The following QPRT variants were observed in gnomAD, a reference collection of about 807,000 sequenced individuals.
QPRT encodes quinolinate phosphoribosyltransferase, also known as nicotinate-nucleotide pyrophosphorylase [carboxylating].
A neutral mutation model predicts 19.8 loss-of-function variants in QPRT; 17 were observed. The observed-to-expected ratio is 0.86, with a 90% CI of 0.59 to 1.29. QPRT has a LOEUF of 1.29. Among genes scored for constraint, QPRT ranks in the 50% most tolerant of loss-of-function variants. QPRT has a pLI of 0.00. For synonymous variants in QPRT, 178 were observed against 191.0 expected, an observed-to-expected ratio of 0.93 and a Z score of 0.56; for missense variants, 336 against 405.1, an observed-to-expected ratio of 0.83 and a Z score of 1.46.
chr16:29,692,075 C>T (rs1016779365), intron 1 of QPRT, among the ~76,000 whole-genome samples: 4 of 152,202 alleles, frequency 2.6e-5, no homozygotes, highest in Non-Finnish European at 5.9e-5. Context: ...TCTGTGTTCC[C>T]CTCAAGGGGA....
rs184606977 is a variant in QPRT at position 29,688,032 on chromosome 16, G to A, written c.14-6632G>A. The stretch of plus-strand genomic sequence containing the variant: ...TGAAAGGTCAGTTTTCAGCAGGAGA[G>A]TGATCAAAGAAAACCAGAACTAGAC... On this transcript the variant is annotated intron_variant, in intron 1 of 3. Coordinates refer to ENST00000395384, the MANE Select transcript of QPRT (RefSeq NM_014298.6). 2.6e-5 allele frequency among the ~76,000 whole-genome samples: 4 copies of A among 152,214 alleles called. No homozygotes were observed. In the East Asian group the frequency reaches 5.8e-4, roughly 22 times the overall value.
intron 1 of QPRT, among the ~76,000 whole-genome samples, chr16:29,681,578 C>A (rs1463858623): frequency 7.0e-6 from 1 of 142,726 alleles, no homozygotes; most frequent in Admixed American, 7.6e-5. Flanking sequence ...CTCGCTGCAA[C>A]CTCTGCCTCC....
intron 2 of QPRT, 141 bp from the exon 3 acceptor site, chr16:29,696,855 C>T: frequency 9.9e-7 from 1 of 1,006,644 alleles, no homozygotes; most frequent in Non-Finnish European, 1.4e-6. Flanking sequence ...CCACCCGAAG[C>T]TTTTCAAATG....
At chr16:29,686,842 TC>T (rs945822414) in intron 1 of QPRT, among the ~76,000 whole-genome samples, 3 of 152,164 alleles carry the variant, frequency 2.0e-5, no homozygotes, top group Admixed American at 2.0e-4. Context: ...CACCCTGGCT[TC>T]CCAGAGTGCT....
intron 1 of QPRT, among the ~76,000 whole-genome samples, chr16:29,690,815 AAGT>A (rs1179824258): frequency 6.6e-6 from 1 of 151,874 alleles, no homozygotes; most frequent in African/African-American, 2.4e-5. Flanking sequence ...TCAGCCTCCC[AAGT>A]AGCTGGGATT....
intron 1 of QPRT, among the ~76,000 whole-genome samples, chr16:29,684,506 C>T (rs976225073): frequency 5.9e-5 from 9 of 151,860 alleles, no homozygotes; most frequent in Non-Finnish European, 7.4e-5. Flanking sequence ...ATGTTGGCCC[C>T]GGAGTTCAAT....
chr16:29,686,164 A>C (rs1967155953), intron 1 of QPRT, among the ~76,000 whole-genome samples: 1 of 152,134 alleles, frequency 6.6e-6, no homozygotes, highest in Non-Finnish European at 1.5e-5. Context: ...CCGGCCAATA[A>C]AATGAAATTT....
intron 1 of QPRT, among the ~76,000 whole-genome samples, chr16:29,688,905 C>T (rs528139137): frequency 8.6e-5 from 13 of 151,402 alleles, no homozygotes; most frequent in African/African-American, 1.9e-4. Flanking sequence ...CTCAGCCTCC[C>T]GAGTAGCTGG....
At chr16:29,694,163 G>C (rs963714082) in intron 1 of QPRT, among the ~76,000 whole-genome samples, 1 of 150,048 alleles carries the variant, frequency 6.7e-6, no homozygotes, top group Admixed American at 6.7e-5. Flanking sequence ...CTGTCACCCC[G>C]GCTGGAGTGC....
In QPRT at chr16:29,695,168, A is replaced by C; in HGVS notation, c.518A>C (p.Asn173Thr). The C allele has an allele frequency of 1.3e-6, 2 of 1,565,744 alleles. No homozygotes were observed. The highest frequency in any genetic ancestry group is 2.3e-5 in the South Asian group (2 of 85,620). Residue 173 changes from asparagine to threonine, a missense_variant, in exon 2 of 4, where the codon AAC becomes ACC. By Grantham distance (65) the Asn-to-Thr change is moderately conservative (BLOSUM62 0). Transcript: ENST00000395384. ...DLGGLVMVKDNHVVAAGGVEK... is the reference protein window; with the variant it reads ...DLGGLVMVKDTHVVAAGGVEK... ...GGAGGGCTGGTGATGGTGAAGGATAACCATGTGGTGGCCGCCGGTGGCGTG... is the reference window on the plus strand; with the variant it reads ...GGAGGGCTGGTGATGGTGAAGGATACCCATGTGGTGGCCGCCGGTGGCGTG...
intron 2 of QPRT, 120 bp downstream of exon 2, chr16:29,695,319 C>A: frequency 8.6e-7 from 1 of 1,159,834 alleles, no homozygotes; most frequent in Non-Finnish European, 1.2e-6. Context: ...GTCAGCAACA[C>A]AAGACTCTTC....
At chr16:29,691,914 G>C (rs1967350459) in intron 1 of QPRT, among the ~76,000 whole-genome samples, 1 of 152,208 alleles carries the variant, frequency 6.6e-6, no homozygotes, top group African/African-American at 2.4e-5. Context: ...CTTGGCTTTG[G>C]GGAAGTAGAC....
intron 1 of QPRT, among the ~76,000 whole-genome samples, chr16:29,693,019 C>T (rs556024885): frequency 2.6e-5 from 4 of 151,720 alleles, no homozygotes; most frequent in African/African-American, 9.7e-5. Context: ...CGAGATCACT[C>T]CATTGCACTC....
intron 2 of QPRT, among the ~76,000 whole-genome samples, chr16:29,695,563 C>T (rs1472786832): frequency 6.9e-6 from 1 of 145,434 alleles, no homozygotes; most frequent in Admixed American, 7.1e-5. Flanking sequence ...AATCTCGGCT[C>T]ACTGGAACCT....
At chr16:29,680,569 G>C (rs1966970029) in intron 1 of QPRT, among the ~76,000 whole-genome samples, 1 of 152,148 alleles carries the variant, frequency 6.6e-6, no homozygotes, top group African/African-American at 2.4e-5. Flanking sequence ...GCTCCACCAG[G>C]GATGGGGCTG....
chr16:29,685,697 C>G (rs927364141), intron 1 of QPRT, among the ~76,000 whole-genome samples: 1 of 152,004 alleles, frequency 6.6e-6, no homozygotes, highest in African/African-American at 2.4e-5. Context: ...ATATCACTCC[C>G]TCTTTTAAAA....
At chr16:29,686,623 G>GT (rs1448492829) in intron 1 of QPRT, among the ~76,000 whole-genome samples, 6 of 152,190 alleles carry the variant, frequency 3.9e-5, no homozygotes, top group African/African-American at 1.4e-4. Flanking sequence ...AGCCTCCCGA[G>GT]TAGCTGGGAT....
At position 29,694,883 on chromosome 16, in the gene QPRT, G is replaced by C. The variant is rs760480330; in HGVS notation, c.233G>C (p.Gly78Ala). Residue 78 changes from glycine (G) to alanine (A), a missense_variant, in exon 2 of 4, where the codon GGA becomes GCA. By Grantham distance (60) the Gly-to-Ala change is moderately conservative. Coordinates refer to ENST00000395384, the MANE Select transcript of QPRT (RefSeq NM_014298.6). Reference protein sequence around the residue: ...NCQVSWFLPEGSKLVPVARVA... With the variant: ...NCQVSWFLPEASKLVPVARVA... ...CAAGTCTCCTGGTTCCTCCCCGAGG[G>C]ATCGAAGCTGGTGCCGGTGGCCAGA... 2 of 1,614,070 alleles carry C rather than the reference G, an allele frequency of 1.2e-6. No individual in the cohort carries two copies.
At chr16:29,684,468 G>T (rs1330726782) in intron 1 of QPRT, among the ~76,000 whole-genome samples, 1 of 151,934 alleles carries the variant, frequency 6.6e-6, no homozygotes, top group South Asian at 2.1e-4. Context: ...GCTAATTTTT[G>T]TATTTTTAGT....
Sources: gnomAD v4.1 joint callset for allele counts (sites outside exome capture counted in the v4.1 genomes callset) on GRCh38, gnomAD v4.1.1 for gene constraint, MANE v1.5 for transcripts, NCBI Gene and HGNC (gene_info 2026-07-23, HGNC 2026-07-21) for gene names.